LTBR: variants seen among roughly 807,000 people sequenced by gnomAD.
LTBR encodes the protein tumor necrosis factor receptor superfamily member 3.
In LTBR, 15 loss-of-function variants were observed where a neutral mutation model predicts 45.4. The ratio of observed to expected loss-of-function variants is 0.33; its 90% CI spans 0.22 to 0.51. LTBR has a LOEUF of 0.51. Ranked by LOEUF, LTBR falls within the 20% of genes least tolerant of loss-of-function variation. LTBR has a pLI of 0.97. For missense variants in LTBR, 450 were observed against 565.5 expected (o/e 0.80, Z 2.07); for synonymous variants, 228 against 231.0 (o/e 0.99, Z 0.12).
At chr12:6,385,534 T>A in intron 4 of LTBR, 155 bp downstream of exon 4, 2 of 901,966 alleles carry the variant, frequency 2.2e-6, no homozygotes, top group South Asian at 3.4e-5. Context: ...ACAGAAGGGT[T>A]CTGGAGGGAC....
At position 6,386,541 on chromosome 12, in the gene LTBR, C is replaced by T. The variant is rs148904138; in HGVS notation, c.667+97C>T. 1.8e-4 allele frequency: 171 copies of T among 956,298 alleles called. No individual in the cohort carries two copies. The African/African-American group carries it at 2.3e-3, about 13-fold the overall frequency. The allele number at this position is 956,298 out of a possible 1,614,324, so 59.2% of individuals were successfully genotyped here. A position where few individuals can be genotyped will look rare whatever the true frequency, so the allele number is the denominator to read the frequency against. On this transcript the variant is annotated intron_variant, in intron 6 of 9. Transcript: ENST00000228918. The surrounding 1 kb of genome is among the most constrained non-coding windows in gnomAD (Gnocchi z 4.1). ...AAATGGGGAAAAGATGAACACTTCC[C>T]TCCCAGAATTGGGCAAGAAGAAAGT...
chr12:6,386,498 T>G lies in LTBR; in HGVS notation c.667+54T>G. The G allele has an allele frequency of 2.2e-6, 3 of 1,355,182 alleles. No individual in the cohort carries two copies. The allele number at this position is 1,355,182 out of a possible 1,614,324, so 83.9% of individuals were successfully genotyped here. On this transcript the variant is annotated intron_variant, in intron 6 of 9. Coordinates refer to ENST00000228918, the MANE Select transcript of LTBR (RefSeq NM_002342.3). The surrounding 1 kb of genome is among the most constrained non-coding windows in gnomAD (Gnocchi z 4.1). ...GGGGGCGCCTCTGAAAATGCCTTAA[T>G]GCTCCACATCTTAAAAAAAATGGGG...
rs776023758 is a variant in LTBR at position 6,386,474 on chromosome 12, G to A, written c.667+30G>A. 2 of 1,566,408 alleles carry A rather than the reference G, an allele frequency of 1.3e-6. No homozygotes were observed. The highest frequency in any genetic ancestry group is 2.2e-5 in the East Asian group (1 of 44,580). On this transcript the variant is annotated intron_variant, in intron 6 of 9. Coordinates refer to ENST00000228918, the MANE Select transcript of LTBR (RefSeq NM_002342.3). The surrounding 1 kb of genome is among the most constrained non-coding windows in gnomAD (Gnocchi z 4.1). ...GGGACCAGGGCTGAGGGACACGGGG[G>A]GGGCGCCTCTGAAAATGCCTTAATG...
chr12:6,386,470 G>A lies in LTBR; in HGVS notation c.667+26G>A, dbSNP rs41429344. 158 of 998,568 alleles carry A rather than the reference G, an allele frequency of 1.6e-4. No homozygotes were observed. The African/African-American group carries it at 2.3e-3, about 15-fold the overall frequency. The allele number at this position is 998,568 out of a possible 1,614,324, so 61.9% of individuals were successfully genotyped here. A position where few individuals can be genotyped will look rare whatever the true frequency, so the allele number is the denominator to read the frequency against. On this transcript the variant is annotated intron_variant, in intron 6 of 9. Transcript: ENST00000228918. The surrounding 1 kb of genome is among the most constrained non-coding windows in gnomAD (Gnocchi z 4.1). ...GTGAGGGACCAGGGCTGAGGGACAC[G>A]GGGGGGGCGCCTCTGAAAATGCCTT...
intron 8 of LTBR, 131 bp from the exon 9 acceptor site, chr12:6,389,981 A>AAG (rs969223155): frequency 4.4e-4 from 277 of 625,418 alleles, no homozygotes; most frequent in African/African-American, 7.8e-4. Context: ...GAGAGAGAGA[A>AAG]AGAGAGAGAG....
chr12:6,375,180 GTC>G (rs1948881981), upstream of LTBR: 5 of 1,453,986 alleles, frequency 3.4e-6, no homozygotes, highest in South Asian at 5.8e-5. Context: ...CAGGATCTGT[GTC>G]TCAGCTCCTG....
chr12:6,388,289 T>C lies in LTBR; in HGVS notation c.668-109T>C. The C allele has an allele frequency of 1.3e-6, 1 of 759,992 alleles. No individual in the cohort carries two copies. The highest frequency in any genetic ancestry group is 2.9e-4 in the Middle Eastern group (1 of 3,436). The allele number at this position is 759,992 out of a possible 1,614,324, so 47.1% of individuals were successfully genotyped here. A position where few individuals can be genotyped will look rare whatever the true frequency, so the allele number is the denominator to read the frequency against. On this transcript the variant is annotated intron_variant, in intron 6 of 9. Transcript: ENST00000228918. The surrounding 1 kb of genome is among the most constrained non-coding windows in gnomAD (Gnocchi z 4.3). ...TTGTGTCTAGAAGGAAAAAAGCTGC[T>C]CCCTTTTCTCTGTCTGGGTTGCCCA...
chr12:6,387,520 G>A (rs148032197), intron 6 of LTBR: 30 of 158,670 alleles, frequency 1.9e-4, no homozygotes, highest in Non-Finnish European at 2.8e-4. Flanking sequence ...TCACACAGCC[G>A]GGCAGGAAAC....
Position 6,384,362 on chromosome 12 carries a change from C to T in LTBR, c.4C>T (p.Leu2Phe), listed in dbSNP as rs1301241153. Residue 2 changes from leucine (L) to phenylalanine (F), a missense_variant, in exon 1 of 10, where the codon CTC (leucine) becomes TTC (phenylalanine). Leu to Phe is a conservative substitution (Grantham distance 22). Coordinates refer to ENST00000228918, the MANE Select transcript of LTBR (RefSeq NM_002342.3). ...GCCGCCTGGCCGAGTGGCCGCCATG[C>T]TCCTGCCTTGGGCCACCTCTGCCCC... M[L>F]LPWATSAPGL... is the part of the protein sequence containing the mutation. 2 of 1,518,574 alleles carry T rather than the reference C, an allele frequency of 1.3e-6. No homozygotes were observed. The highest frequency in any genetic ancestry group is 1.2e-5 in the South Asian group (1 of 82,736). The allele number at this position is 1,518,574 out of a possible 1,614,324, so 94.1% of individuals were successfully genotyped here. A position where few individuals can be genotyped will look rare whatever the true frequency, so the allele number is the denominator to read the frequency against.
intron 1 of LTBR, chr12:6,377,356 G>C: frequency 8.3e-7 from 1 of 1,212,000 alleles, no homozygotes; most frequent in Non-Finnish European, 1.2e-6. Context: ...AGTTTTCTGA[G>C]GTTAGAAAAC....
intron 1 of LTBR, chr12:6,377,490 T>A (rs879605): frequency 3.0e-6 from 2 of 661,946 alleles, no homozygotes; most frequent in Non-Finnish European, 5.1e-6. Context: ...CAGGTGCACC[T>A]GGATGTGAAA....
chr12:6,380,352 G>A (rs1336276193), upstream of LTBR, among the ~76,000 whole-genome samples: 3 of 152,168 alleles, frequency 2.0e-5, no homozygotes, highest in Non-Finnish European at 4.4e-5. Context: ...TAAGAGCAGA[G>A]TGGAGAAGAA....
upstream of LTBR, among the ~76,000 whole-genome samples, chr12:6,382,900 T>G (rs1948998190): frequency 1.3e-5 from 2 of 152,172 alleles, no homozygotes; most frequent in South Asian, 4.1e-4. Context: ...GCAGGACTGC[T>G]GGAATGAGTT....
In LTBR at chr12:6,384,268, G is replaced by A. The variant is rs557939132; in HGVS notation, c.-91G>A. 1.3e-5 allele frequency: 18 copies of A among 1,416,436 alleles called. No homozygotes were observed. The East Asian group carries it at 3.9e-4, about 31-fold the overall frequency. The allele number at this position is 1,416,436 out of a possible 1,614,324, so 87.7% of individuals were successfully genotyped here. On this transcript the variant is annotated 5_prime_UTR_variant, in exon 1 of 10. Transcript: ENST00000228918. Reference sequence around the variant, plus strand: ...GAGTCCCGTCCCAGGCTCTGGGCTCGGGCAGCCGCCGCCACCGCTGCCCAG... The same window carrying A: ...GAGTCCCGTCCCAGGCTCTGGGCTCAGGCAGCCGCCGCCACCGCTGCCCAG...
chr12:6,377,470 G>T, intron 1 of LTBR: 1 of 654,002 alleles, frequency 1.5e-6, no homozygotes. Flanking sequence ...ACTCATGGGG[G>T]ATCGGGGCTC....
chr12:6,386,713 C>A lies in LTBR; in HGVS notation c.667+269C>A. The A allele has an allele frequency of 1.1e-5, 4 of 372,034 alleles. No individual in the cohort carries two copies. The highest frequency in any genetic ancestry group is 1.5e-5 in the Non-Finnish European group (3 of 205,682). 23.0% of individuals were successfully genotyped at this position (372,034 alleles called of 1,614,324 possible). On this transcript the variant is annotated intron_variant, in intron 6 of 9. Coordinates refer to ENST00000228918, the MANE Select transcript of LTBR (RefSeq NM_002342.3). The surrounding 1 kb of genome is among the most constrained non-coding windows in gnomAD (Gnocchi z 4.1). ...GAGATGTAATGATAACTACTATTGTCATCATTTTGGGCTTACCAACATTAC... is the reference window on the plus strand; with the variant it reads ...GAGATGTAATGATAACTACTATTGTAATCATTTTGGGCTTACCAACATTAC...
At chr12:6,380,283 C>G (rs1012641742), upstream of LTBR, among the ~76,000 whole-genome samples, 1 of 152,166 alleles carries the variant, frequency 6.6e-6, no homozygotes, top group Admixed American at 6.5e-5. Context: ...AAAGGACAAC[C>G]CTCATCTGTT....
upstream of LTBR, chr12:6,383,963 C>T (rs1949008449): frequency 9.6e-7 from 1 of 1,044,300 alleles, no homozygotes; most frequent in Middle Eastern, 4.2e-4. Flanking sequence ...CAGGGCTGTC[C>T]GCAGTCCGCT....
chr12:6,389,189 C>T (rs920404810), intron 8 of LTBR: 2 of 197,430 alleles, frequency 1.0e-5, no homozygotes, highest in Admixed American at 5.7e-5. Flanking sequence ...GATATTTGAG[C>T]GGAGAGCTGA....
Sources: allele counts gnomAD v4.1 joint callset (sites outside exome capture counted in the v4.1 genomes callset), GRCh38; gene constraint gnomAD v4.1.1; non-coding constraint Gnocchi (gnomAD v3.1); transcripts MANE v1.5; gene names NCBI Gene and HGNC (gene_info 2026-07-23, HGNC 2026-07-21).